CNTN5: variants seen among roughly 807,000 people sequenced by gnomAD.
The protein encoded by CNTN5 is contactin 5.
A neutral mutation model predicts 129.1 loss-of-function variants in CNTN5; 77 were observed. The observed-to-expected ratio is 0.60, with a 90% CI of 0.50 to 0.72. The LOEUF (loss-of-function observed/expected upper bound fraction) is 0.72. Ranked by LOEUF, CNTN5 falls within the 30% of genes least tolerant of loss-of-function variation. The pLI is 0.00. For missense variants in CNTN5, 1,478 were observed against 1,328.8 expected (o/e 1.11, Z -1.75); for synonymous variants, 509 against 465.6 (o/e 1.09, Z -1.20).
chr11:99,109,497 C>A (rs747281468), intron 1 of CNTN5, among the ~76,000 whole-genome samples: 25 of 152,166 alleles, frequency 1.6e-4, no homozygotes, highest in African/African-American at 2.2e-4. Flanking sequence ...CACACCCACA[C>A]AGATTCAAAA....
In CNTN5 at chr11:100,356,791, T is replaced by A. The variant is rs199499691; in HGVS notation, c.*571T>A. The A allele has an allele frequency of 6.5e-6, 1 of 154,382 alleles. No homozygotes were observed. Among genetic ancestry groups the A allele is most frequent in the African/African-American group, 2.4e-5 (1 of 41,382 alleles). 9.6% of individuals were successfully genotyped at this position (154,382 alleles called of 1,614,324 possible). On this transcript the variant is annotated 3_prime_UTR_variant, in exon 25 of 25. Coordinates refer to ENST00000524871, the MANE Select transcript of CNTN5 (RefSeq NM_014361.4). ...AATATTGTATGATTGCATAGTGAAA[T>A]AGCAAGATTTGTCAATATGCTATTC...
intron 1 of CNTN5, among the ~76,000 whole-genome samples, chr11:99,133,615 C>CTAAAAAAAAAA (rs879283937): frequency 3.8e-5 from 4 of 106,000 alleles, no homozygotes; most frequent in Non-Finnish European, 3.8e-5. Flanking sequence ...AGACACTTCT[C>CTAAAAAAAAAA]AAGAAAAAAA....
chr11:99,963,357 A>G (rs1377944623), intron 8 of CNTN5, among the ~76,000 whole-genome samples: 1 of 152,178 alleles, frequency 6.6e-6, no homozygotes, highest in Non-Finnish European at 1.5e-5. Flanking sequence ...GAGGGGATCC[A>G]GTTTCAGCTT....
chr11:100,253,950 G>A (rs1475422553), intron 16 of CNTN5, among the ~76,000 whole-genome samples: 1 of 151,976 alleles, frequency 6.6e-6, no homozygotes, highest in African/African-American at 2.4e-5. Context: ...TAACAATCCA[G>A]TCTCCTTGAC....
intron 3 of CNTN5, among the ~76,000 whole-genome samples, chr11:99,730,534 T>C (rs1180341655): frequency 6.6e-6 from 1 of 152,228 alleles, no homozygotes; most frequent in Admixed American, 6.5e-5. Context: ...TGAGTATTGG[T>C]AATACTTGTA....
At chr11:100,106,096 G>A (rs12287670) in intron 13 of CNTN5, among the ~76,000 whole-genome samples, 1,724 of 152,248 alleles carry the variant, frequency 0.011, 37 homozygotes, top group African/African-American at 0.039. Flanking sequence ...TCAGAAGTCG[G>A]TTTTCCCACA....
At chr11:100,258,382 G>A (rs1159669114) in intron 17 of CNTN5, among the ~76,000 whole-genome samples, 1 of 152,180 alleles carries the variant, frequency 6.6e-6, no homozygotes, top group African/African-American at 2.4e-5. Context: ...TTATCCAGGA[G>A]AACTTCCCCA....
intron 7 of CNTN5, among the ~76,000 whole-genome samples, chr11:99,939,414 G>T (rs1031312601): frequency 6.6e-6 from 1 of 151,978 alleles, no homozygotes; most frequent in African/African-American, 2.4e-5. Flanking sequence ...TGAGTAAAAA[G>T]AAGTCAGTTT....
At chr11:99,677,380 A>T (rs1009963570) in intron 3 of CNTN5, among the ~76,000 whole-genome samples, 6 of 152,140 alleles carry the variant, frequency 3.9e-5, no homozygotes, top group Non-Finnish European at 7.4e-5. Flanking sequence ...TCTGATCCAA[A>T]GGACAAGAAT....
intron 9 of CNTN5, among the ~76,000 whole-genome samples, chr11:100,050,125 CTATA>C (rs1942877205): frequency 6.6e-6 from 1 of 151,980 alleles, no homozygotes; most frequent in Non-Finnish European, 1.5e-5. Context: ...CCATTACTGG[CTATA>C]TACCCAAAGG....
At chr11:100,003,655 C>G (rs1164563431) in intron 9 of CNTN5, 1 of 152,116 alleles carries the variant, frequency 6.6e-6, no homozygotes, top group Non-Finnish European at 1.5e-5. Context: ...CTTTGGAAGC[C>G]TTGAAATATG....
At chr11:100,003,900 A>G (rs1157881796) in intron 9 of CNTN5, 1 of 152,196 alleles carries the variant, frequency 6.6e-6, no homozygotes, top group African/African-American at 2.4e-5. Flanking sequence ...ATTATGGAAA[A>G]AAGAAACATC....
At chr11:99,596,898 C>T (rs886784183) in intron 3 of CNTN5, among the ~76,000 whole-genome samples, 5 of 152,068 alleles carry the variant, frequency 3.3e-5, no homozygotes, top group Non-Finnish European at 7.4e-5. Flanking sequence ...AACTAATATG[C>T]TTGAAAAATG....
intron 9 of CNTN5, among the ~76,000 whole-genome samples, chr11:100,006,642 C>G (rs2137500329): frequency 6.6e-6 from 1 of 152,250 alleles, no homozygotes; most frequent in South Asian, 2.1e-4. Context: ...CTGTTTTCAT[C>G]ACATCTGCAT....
intron 3 of CNTN5, among the ~76,000 whole-genome samples, chr11:99,778,792 T>G (rs979782208): frequency 6.6e-6 from 1 of 151,916 alleles, no homozygotes; most frequent in African/African-American, 2.4e-5. Flanking sequence ...GTTCAAAAAC[T>G]ATATCAATAA....
At chr11:99,988,310 G>A (rs1337571863) in intron 8 of CNTN5, among the ~76,000 whole-genome samples, 24 of 152,134 alleles carry the variant, frequency 1.6e-4, no homozygotes, top group Non-Finnish European at 4.4e-5. Context: ...CATTTGTCAC[G>A]TTTTTTGCCC....
intron 20 of CNTN5, among the ~76,000 whole-genome samples, chr11:100,301,032 A>G (rs189143708): frequency 2.1e-4 from 32 of 151,746 alleles, no homozygotes; most frequent in African/African-American, 7.2e-4. Context: ...AACCAGGTCT[A>G]TATGACTGGA....
chr11:100,094,860 G>C (rs10501945), intron 13 of CNTN5, among the ~76,000 whole-genome samples: 1 of 151,850 alleles, frequency 6.6e-6, no homozygotes, highest in African/African-American at 2.4e-5. Context: ...ATTTATGCTT[G>C]TTTGAGGAAA....
At chr11:99,871,695 TTTTGA>T (rs1948507290) in intron 6 of CNTN5, among the ~76,000 whole-genome samples, 1 of 152,074 alleles carries the variant, frequency 6.6e-6, no homozygotes, top group Admixed American at 6.6e-5. Context: ...CTAGCACAGC[TTTTGA>T]TTTGTCCACA....
Sources: allele counts gnomAD v4.1 joint callset (sites outside exome capture counted in the v4.1 genomes callset), GRCh38; gene constraint gnomAD v4.1.1; transcripts MANE v1.5; gene names NCBI Gene and HGNC (gene_info 2026-07-23, HGNC 2026-07-21).